The following ESF1 variants were observed in gnomAD, a reference collection of about 807,000 sequenced individuals.
The protein encoded by ESF1 is ESF1 nucleolar pre-rRNA processing protein.
ESF1 carries 58 observed loss-of-function variants against 92.0 expected under a neutral mutation model. The ratio of observed to expected loss-of-function variants is 0.63; its 90% CI spans 0.51 to 0.78. The LOEUF (loss-of-function observed/expected upper bound fraction) is 0.78. Ranked by LOEUF, ESF1 falls within the 30% of genes least tolerant of loss-of-function variation. The pLI, the probability that ESF1 is intolerant of heterozygous loss-of-function variation, is 0.00. For synonymous variants in ESF1, 321 were observed against 313.7 expected (o/e 1.02, Z -0.24); for missense variants, 922 against 989.1 (o/e 0.93, Z 0.91).
chr20:13,744,203 G>A (rs1219028359), intron 9 of ESF1, among the ~76,000 whole-genome samples: 2 of 152,172 alleles, frequency 1.3e-5, no homozygotes, highest in Admixed American at 6.5e-5. Flanking sequence ...AAGAGGTTAA[G>A]TTTAATGAAT....
At chr20:13,756,327 A>C (rs1978894232) in intron 9 of ESF1, among the ~76,000 whole-genome samples, 1 of 152,204 alleles carries the variant, frequency 6.6e-6, no homozygotes, top group South Asian at 2.1e-4. Context: ...GGGCCTTCAA[A>C]ATATTACAGT....
At chr20:13,738,982 A>G (rs2049993863) in intron 9 of ESF1, among the ~76,000 whole-genome samples, 1 of 152,256 alleles carries the variant, frequency 6.6e-6, no homozygotes, top group Non-Finnish European at 1.5e-5. Flanking sequence ...AATCAGGCAG[A>G]GCCAACAAAT....
intron 2 of ESF1, among the ~76,000 whole-genome samples, chr20:13,777,949 A>C (rs1384654656): frequency 6.6e-6 from 1 of 152,246 alleles, no homozygotes; most frequent in Non-Finnish European, 1.5e-5. Context: ...AGTATCTACT[A>C]CATACAAAGA....
chr20:13,735,322 A>G (rs1282853372), intron 9 of ESF1, among the ~76,000 whole-genome samples: 1 of 152,170 alleles, frequency 6.6e-6, no homozygotes, highest in Admixed American at 6.5e-5. Context: ...TGCACACTCA[A>G]GGTAACACAG....
intron 10 of ESF1, among the ~76,000 whole-genome samples, chr20:13,730,197 C>A (rs1568711182): frequency 6.6e-6 from 1 of 151,978 alleles, no homozygotes; most frequent in Non-Finnish European, 1.5e-5. Context: ...CTCAGCCTCC[C>A]AAGTAGCTGG....
chr20:13,782,771 C>G lies in ESF1; in HGVS notation c.370G>C (p.Gly124Arg), dbSNP rs1211738704. The G allele has an allele frequency of 2.5e-6, 4 of 1,601,688 alleles. No homozygotes were observed. Among genetic ancestry groups the G allele is most frequent in the Non-Finnish European group, 2.5e-6 (3 of 1,177,112 alleles). Residue 124 changes from glycine (G) to arginine (R), a missense_variant, in exon 2 of 14, where the codon GGT becomes CGT. Transcript: ENST00000617257. ...TCTAAATCAGTTTTATTTTCAGAAC[C>G]CTTGTGATTAGCCTTCTTGGTTTCT... is the stretch of plus-strand genomic sequence containing the variant. ...KKETKKANHKGSENKTDLDNS... is the reference protein window; with the variant it reads ...KKETKKANHKRSENKTDLDNS...
At chr20:13,725,082 G>T (rs907626912) in intron 11 of ESF1, among the ~76,000 whole-genome samples, 1 of 152,048 alleles carries the variant, frequency 6.6e-6, no homozygotes, top group African/African-American at 2.4e-5. Flanking sequence ...ACAATTAATT[G>T]AATCAACCGC....
At chr20:13,734,672 G>A (rs1476640508) in intron 9 of ESF1, among the ~76,000 whole-genome samples, 1 of 152,084 alleles carries the variant, frequency 6.6e-6, no homozygotes. Context: ...TAAATACTGT[G>A]CTGTCCCCTT....
intron 9 of ESF1, among the ~76,000 whole-genome samples, chr20:13,751,844 A>C (rs1481166927): frequency 2.0e-5 from 3 of 152,064 alleles, no homozygotes; most frequent in Non-Finnish European, 2.9e-5. Flanking sequence ...AAAATACAAA[A>C]ATTAGCTGGG....
intron 8 of ESF1, among the ~76,000 whole-genome samples, chr20:13,763,667 GA>G (rs1303216612): frequency 6.6e-6 from 1 of 151,968 alleles, no homozygotes; most frequent in East Asian, 1.9e-4. Context: ...GAGGAAAATT[GA>G]AAAAAGGACT....
chr20:13,740,501 A>C (rs1429314560), intron 9 of ESF1, among the ~76,000 whole-genome samples: 1 of 152,186 alleles, frequency 6.6e-6, no homozygotes, highest in Non-Finnish European at 1.5e-5. Flanking sequence ...GGGATGGAAA[A>C]TATGAGTTAT....
intron 11 of ESF1, among the ~76,000 whole-genome samples, chr20:13,721,158 A>G (rs988853268): frequency 6.6e-6 from 1 of 152,236 alleles, no homozygotes; most frequent in Non-Finnish European, 1.5e-5. Context: ...TGCTTCTATT[A>G]TAATACTAAT....
At chr20:13,752,643 A>G (rs1236961269) in intron 9 of ESF1, among the ~76,000 whole-genome samples, 2 of 152,262 alleles carry the variant, frequency 1.3e-5, no homozygotes, top group Non-Finnish European at 2.9e-5. Context: ...AACTAATTCA[A>G]AAACATTTTT....
chr20:13,719,699 G>A (rs1019716991), intron 11 of ESF1, among the ~76,000 whole-genome samples: 1 of 151,756 alleles, frequency 6.6e-6, no homozygotes, highest in African/African-American at 2.4e-5. Flanking sequence ...AAAATACAAG[G>A]GAACAGCTAC....
At chr20:13,720,846 C>T (rs1265925535) in intron 11 of ESF1, among the ~76,000 whole-genome samples, 1 of 152,212 alleles carries the variant, frequency 6.6e-6, no homozygotes, top group Admixed American at 6.5e-5. Flanking sequence ...AACGGCTGGG[C>T]GCAGTGGCTC....
At chr20:13,760,882 C>T (rs1022662178) in intron 8 of ESF1, among the ~76,000 whole-genome samples, 15 of 152,206 alleles carry the variant, frequency 9.9e-5, no homozygotes, top group Non-Finnish European at 2.2e-4. Context: ...GGGAGGTGTA[C>T]CCAACAGCTC....
At chr20:13,723,212 T>C (rs2049879614) in intron 11 of ESF1, among the ~76,000 whole-genome samples, 1 of 152,208 alleles carries the variant, frequency 6.6e-6, no homozygotes, top group Admixed American at 6.5e-5. Context: ...CAGATGGATG[T>C]GGTCTCAGTA....
chr20:13,757,681 G>C (rs1265479817), intron 9 of ESF1, among the ~76,000 whole-genome samples: 1 of 152,214 alleles, frequency 6.6e-6, no homozygotes, highest in Non-Finnish European at 1.5e-5. Context: ...TGGGATTACA[G>C]GTGTGAGCCC....
intron 9 of ESF1, among the ~76,000 whole-genome samples, chr20:13,744,251 TAAAG>T (rs1382460101): frequency 1.3e-5 from 2 of 152,122 alleles, no homozygotes; most frequent in Non-Finnish European, 2.9e-5. Context: ...AAAGACACTA[TAAAG>T]AAAGTAAAAT....
Sources: gnomAD v4.1 joint callset for allele counts (sites outside exome capture counted in the v4.1 genomes callset) on GRCh38, gnomAD v4.1.1 for gene constraint, MANE v1.5 for transcripts, NCBI Gene and HGNC (gene_info 2026-07-23, HGNC 2026-07-21) for gene names.